JKAMP: variants seen among roughly 807,000 people sequenced by gnomAD.
JKAMP encodes JNK1/MAPK8-associated membrane protein.
In JKAMP, 20 loss-of-function variants were observed where a neutral mutation model predicts 40.2. The observed-to-expected ratio is 0.50, with a 90% CI of 0.35 to 0.72. JKAMP has a LOEUF of 0.72. Among genes scored for constraint, JKAMP ranks in the 30% least tolerant of loss-of-function variants. The pLI is 0.01. For synonymous variants in JKAMP, 138 were observed against 131.6 expected, an observed-to-expected ratio of 1.05 and a Z score of -0.33; for missense variants, 276 against 373.0, an observed-to-expected ratio of 0.74 and a Z score of 2.14.
Position 59,504,113 on chromosome 14 carries a change from T to C in JKAMP, c.*41T>C. 2 of 1,248,268 alleles carry C rather than the reference T, an allele frequency of 1.6e-6. No individual in the cohort carries two copies. The highest frequency in any genetic ancestry group is 2.3e-6 in the Non-Finnish European group (2 of 855,362). The allele number at this position is 1,248,268 out of a possible 1,614,324, so 77.3% of individuals were successfully genotyped here. A position where few individuals can be genotyped will look rare whatever the true frequency, so the allele number is the denominator to read the frequency against. ...ATGCCAAAAACCTGAGAAGTGCTCC[T>C]AATAAAAAAGTAAATCAATCTTAAC... On this transcript the variant is annotated 3_prime_UTR_variant, in exon 7 of 7. Coordinates refer to ENST00000616435, the MANE Select transcript of JKAMP (RefSeq NM_016475.5).
chr14:59,484,798 C>T (rs1214805256), intron 1 of JKAMP: 2 of 902,294 alleles, frequency 2.2e-6, no homozygotes, highest in Non-Finnish European at 3.3e-6. Context: ...GGGAGGCGCG[C>T]TGTCTGCGGC....
At chr14:59,491,947 A>AG (rs1406133076) in intron 3 of JKAMP, among the ~76,000 whole-genome samples, 3 of 152,200 alleles carry the variant, frequency 2.0e-5, no homozygotes, top group Non-Finnish European at 4.4e-5. Context: ...CTTTGCTGGA[A>AG]AGCTTCCCCA....
intron 1 of JKAMP, among the ~76,000 whole-genome samples, chr14:59,486,300 G>A (rs746744428): frequency 2.0e-5 from 3 of 152,210 alleles, no homozygotes; most frequent in African/African-American, 7.2e-5. Context: ...TGATAATTGT[G>A]TGTCTACATG....
intron 1 of JKAMP, chr14:59,485,090 A>C: frequency 6.3e-7 from 1 of 1,598,442 alleles, no homozygotes; most frequent in Non-Finnish European, 8.5e-7. Flanking sequence ...GAAATTCAAC[A>C]GTCGCTTGGA....
intron 3 of JKAMP, among the ~76,000 whole-genome samples, chr14:59,489,959 G>A (rs1176956169): frequency 6.6e-6 from 1 of 152,006 alleles, no homozygotes; most frequent in Admixed American, 6.5e-5. Flanking sequence ...GTCCTGGTTT[G>A]TCACCTAGGC....
chr14:59,502,167 T>A (rs1412598085), intron 6 of JKAMP, among the ~76,000 whole-genome samples: 1 of 152,150 alleles, frequency 6.6e-6, no homozygotes, highest in Non-Finnish European at 1.5e-5. Context: ...ATAATTATAT[T>A]TATTATTGTT....
At chr14:59,495,833 T>A (rs1257702600) in intron 4 of JKAMP, among the ~76,000 whole-genome samples, 1 of 152,204 alleles carries the variant, frequency 6.6e-6, no homozygotes, top group African/African-American at 2.4e-5. Context: ...ATCAAAAACA[T>A]AGAAATGCAA....
Position 59,486,637 on chromosome 14 carries a change from A to G in JKAMP, c.5-76A>G, listed in dbSNP as rs1253108. On this transcript the variant is annotated intron_variant, in intron 1 of 6. Transcript: ENST00000616435. ...AAATTTGAAACTGTTATTTTTGCCA[A>G]ATGCTTCAGCTATTATTGCAATTAT... is the stretch of plus-strand genomic sequence containing the variant. The G allele has an allele frequency of 5.3e-3, 5,347 of 1,002,716 alleles. 163 individuals carry two copies. In the African/African-American group the frequency reaches 0.074, roughly 14 times the overall value. The allele number at this position is 1,002,716 out of a possible 1,614,324, so 62.1% of individuals were successfully genotyped here. A position where few individuals can be genotyped will look rare whatever the true frequency, so the allele number is the denominator to read the frequency against.
chr14:59,489,020 C>G (rs1890791083), intron 3 of JKAMP, among the ~76,000 whole-genome samples: 2 of 152,248 alleles, frequency 1.3e-5, no homozygotes, highest in Admixed American at 6.5e-5. Flanking sequence ...TGCCTTCAAG[C>G]CTTTTTCTCA....
intron 4 of JKAMP, 47 bp from the exon 5 acceptor site, chr14:59,498,678 CAT>C (rs751208198): frequency 1.9e-6 from 2 of 1,045,786 alleles, no homozygotes; most frequent in South Asian, 3.3e-5. Flanking sequence ...AGATTAAAAA[CAT>C]TTTTAAAACA....
chr14:59,485,000 C>T, intron 1 of JKAMP: 1 of 1,583,220 alleles, frequency 6.3e-7, no homozygotes, highest in Non-Finnish European at 8.5e-7. Context: ...ATTTATAGCG[C>T]CCGTCACAAA....
chr14:59,502,409 C>G (rs1043866633), intron 6 of JKAMP, among the ~76,000 whole-genome samples: 7 of 152,112 alleles, frequency 4.6e-5, no homozygotes, highest in African/African-American at 1.7e-4. Flanking sequence ...ACAGAGAAAA[C>G]TCAACCAAGA....
At chr14:59,499,110 G>A (rs549378860) in intron 5 of JKAMP, among the ~76,000 whole-genome samples, 7 of 130,704 alleles carry the variant, frequency 5.4e-5, no homozygotes, top group South Asian at 2.6e-4. Flanking sequence ...TGCAACCTCC[G>A]CCTCCTGGGT....
chr14:59,502,764 T>TGTTTTGTTTTG (rs1261460995), intron 6 of JKAMP, among the ~76,000 whole-genome samples: 4 of 130,472 alleles, frequency 3.1e-5, no homozygotes, highest in Non-Finnish European at 6.3e-5. Flanking sequence ...TTTTTTTTTT[T>TGTTTTGTTTTG]TTTTTTTTTC....
chr14:59,495,155 C>T lies in JKAMP; in HGVS notation c.389C>T (p.Thr130Met). ...GTATTGATGCTTTCTGACTGGTACA[C>T]GATGCTTTACAACCCAAGTCCAGAT... ...CRVLMLSDWYTMLYNPSPDYV... is the reference protein window; with the variant it reads ...CRVLMLSDWYMMLYNPSPDYV... The change falls in exon 4 of 7, where the codon ACG becomes ATG. Residue 130 changes from threonine to methionine, a missense_variant. Coordinates refer to ENST00000616435, the MANE Select transcript of JKAMP (RefSeq NM_016475.5). 6.2e-7 allele frequency: 1 copy of T among 1,613,694 alleles called. No homozygotes were observed. Among genetic ancestry groups the T allele is most frequent in the African/African-American group, 1.3e-5 (1 of 75,012 alleles).
chr14:59,486,988 G>A (rs943306124), intron 2 of JKAMP, among the ~76,000 whole-genome samples, 184 bp downstream of exon 2: 1 of 152,140 alleles, frequency 6.6e-6, no homozygotes, highest in Non-Finnish European at 1.5e-5. Flanking sequence ...ATCACTTGAG[G>A]TCAGGAGTTC....
chr14:59,502,893 A>AG (rs979522998), intron 6 of JKAMP, among the ~76,000 whole-genome samples: 1 of 151,434 alleles, frequency 6.6e-6, no homozygotes, highest in African/African-American at 2.4e-5. Flanking sequence ...CTGGGATTAC[A>AG]GGTGCATGCC....
At chr14:59,491,307 GT>G (rs1890984437) in intron 3 of JKAMP, among the ~76,000 whole-genome samples, 1 of 152,174 alleles carries the variant, frequency 6.6e-6, no homozygotes. Context: ...GCTGGTGGGG[GT>G]ATTTTTCCAG....
At chr14:59,502,043 T>A (rs1262033820) in intron 6 of JKAMP, among the ~76,000 whole-genome samples, 2 of 152,160 alleles carry the variant, frequency 1.3e-5, no homozygotes, top group Admixed American at 6.5e-5. Context: ...AAATGAGAAG[T>A]AGTAGTGTAT....
Sources: allele counts gnomAD v4.1 joint callset (sites outside exome capture counted in the v4.1 genomes callset), GRCh38; gene constraint gnomAD v4.1.1; transcripts MANE v1.5; gene names NCBI Gene and HGNC (gene_info 2026-07-23, HGNC 2026-07-21).